The following ROCK1 variants were observed in gnomAD, a reference collection of about 807,000 sequenced individuals.
The protein encoded by ROCK1 is Rho associated coiled-coil containing protein kinase 1.
In ROCK1, 36 loss-of-function variants were observed where a neutral mutation model predicts 196.8. That is an observed-to-expected ratio of 0.18 (90% CI 0.14 to 0.24). ROCK1 has a LOEUF of 0.24. ROCK1 is among the 10% of genes least tolerant of loss of function. The pLI is 1.00. For missense variants in ROCK1, 920 were observed against 1,562.0 expected (o/e 0.59, Z 6.93); for synonymous variants, 443 against 515.9 (o/e 0.86, Z 1.91).
At chr18:21,070,737 C>T (rs2036377186) in intron 1 of ROCK1, 124 bp from the exon 2 acceptor site, 1 of 565,066 alleles carries the variant, frequency 1.8e-6, no homozygotes, top group Non-Finnish European at 3.0e-6. Context: ...GTACATTTAA[C>T]ACCCTCTACA....
intron 22 of ROCK1, among the ~76,000 whole-genome samples, chr18:20,973,797 CTTT>C (rs766676820): frequency 1.4e-5 from 2 of 139,030 alleles, no homozygotes; most frequent in African/African-American, 2.6e-5. Context: ...ATATTTGGCA[CTTT>C]TTTTTTTTTT....
intron 16 of ROCK1, among the ~76,000 whole-genome samples, chr18:21,002,017 G>GA (rs981448361): frequency 4.0e-5 from 6 of 151,612 alleles, no homozygotes; most frequent in African/African-American, 1.2e-4. Flanking sequence ...AACTAAGCCA[G>GA]AAAAAAAATC....
At chr18:21,026,089 A>T (rs2035953259) in intron 10 of ROCK1, among the ~76,000 whole-genome samples, 3 of 152,198 alleles carry the variant, frequency 2.0e-5, no homozygotes, top group African/African-American at 7.2e-5. Context: ...GGTTGTTTAT[A>T]TCAACAACTT....
intron 7 of ROCK1, 47 bp from the exon 8 acceptor site, chr18:21,042,282 A>T (rs1442018745): frequency 2.7e-6 from 4 of 1,494,498 alleles, no homozygotes; most frequent in Non-Finnish European, 3.6e-6. Flanking sequence ...ATACATTTTT[A>T]AAAAGTCAGT....
chr18:21,012,752 C>T (rs537684965), intron 13 of ROCK1, among the ~76,000 whole-genome samples: 4 of 152,216 alleles, frequency 2.6e-5, no homozygotes, highest in African/African-American at 7.2e-5. Flanking sequence ...TTTAGTAATT[C>T]GAGTGACACA....
chr18:20,987,198 A>G, intron 18 of ROCK1, 88 bp from the exon 19 acceptor site: 1 of 1,180,688 alleles, frequency 8.5e-7, no homozygotes, highest in South Asian at 1.4e-5. Context: ...CTGGTTTCAA[A>G]TGTCTCTATT....
chr18:21,057,330 A>G (rs933997970), intron 2 of ROCK1, among the ~76,000 whole-genome samples: 2 of 152,238 alleles, frequency 1.3e-5, no homozygotes, highest in African/African-American at 4.8e-5. Flanking sequence ...CAGTCTTGAC[A>G]ACCACTAACT....
At chr18:21,062,391 G>A (rs942148355) in intron 2 of ROCK1, among the ~76,000 whole-genome samples, 1 of 152,116 alleles carries the variant, frequency 6.6e-6, no homozygotes, top group African/African-American at 2.4e-5. Context: ...CAAAGTATTA[G>A]GTTGGTGCAA....
intron 2 of ROCK1, among the ~76,000 whole-genome samples, chr18:21,058,798 C>T (rs1383492405): frequency 6.6e-6 from 1 of 152,090 alleles, no homozygotes; most frequent in African/African-American, 2.4e-5. Flanking sequence ...AGGCCGATCT[C>T]GAACTCCTGG....
rs1398082584 is a variant in ROCK1 at position 20,965,396 on chromosome 18, CATACATAT to C, written c.3352+1513_3352+1520del. 1.4e-3 allele frequency among the ~76,000 whole-genome samples: 191 copies of C among 137,234 alleles called. 1 individual carries two copies. The highest frequency in any genetic ancestry group is 4.4e-3 in the African/African-American group (165 of 37,308). The allele number at this position is 137,234 out of a possible 152,430, so 90.0% of individuals were successfully genotyped here. A position where few individuals can be genotyped will look rare whatever the true frequency, so the allele number is the denominator to read the frequency against. ...AGTGAGACTGTTTCATACATACATA[CATACATAT>C]ATACATACATACATACATACATACA... On this transcript the variant is annotated intron_variant, in intron 27 of 32. Coordinates refer to ENST00000399799, the MANE Select transcript of ROCK1 (RefSeq NM_005406.3).
intron 1 of ROCK1, among the ~76,000 whole-genome samples, chr18:21,107,369 A>C (rs1045540859): frequency 6.6e-6 from 1 of 152,244 alleles, no homozygotes; most frequent in Non-Finnish European, 1.5e-5. Flanking sequence ...CTAAGCATGA[A>C]TCTAGTAAAG....
chr18:20,999,497 G>C (rs1225631555), intron 16 of ROCK1, among the ~76,000 whole-genome samples: 3 of 151,832 alleles, frequency 2.0e-5, no homozygotes, highest in African/African-American at 7.3e-5. Context: ...AATACCCACA[G>C]CTAACATCAT....
At chr18:21,044,918 G>A (rs571909232) in intron 5 of ROCK1, 208 of 162,568 alleles carry the variant, frequency 1.3e-3, no homozygotes, top group African/African-American at 4.7e-3. Context: ...CTGAAGTGCA[G>A]TGACTAGATC....
At chr18:20,997,782 G>A (rs570933168) in intron 16 of ROCK1, among the ~76,000 whole-genome samples, 218 of 151,320 alleles carry the variant, frequency 1.4e-3, no homozygotes, top group African/African-American at 5.1e-3. Context: ...ATTATATCAT[G>A]TATCTATCTT....
chr18:21,089,133 C>T (rs2036550112), intron 1 of ROCK1, among the ~76,000 whole-genome samples: 1 of 152,102 alleles, frequency 6.6e-6, no homozygotes, highest in Non-Finnish European at 1.5e-5. Context: ...GCAACCTCCA[C>T]TGGTTCAAGA....
intron 1 of ROCK1, among the ~76,000 whole-genome samples, chr18:21,105,098 T>A (rs1209485095): frequency 6.6e-6 from 1 of 152,192 alleles, no homozygotes; most frequent in Non-Finnish European, 1.5e-5. Context: ...AAATACCAAA[T>A]GCTATGATAG....
chr18:20,969,667 T>G (rs897608354), intron 23 of ROCK1, among the ~76,000 whole-genome samples: 1 of 152,178 alleles, frequency 6.6e-6, no homozygotes, highest in African/African-American at 2.4e-5. Flanking sequence ...AATCATTCTA[T>G]GTCTACTGTC....
Position 20,955,026 on chromosome 18 carries a change from C to A in ROCK1, c.3610G>T (p.Gly1204Cys). The A allele has an allele frequency of 6.2e-7, 1 of 1,611,922 alleles. No individual in the cohort carries two copies. The highest frequency in any genetic ancestry group is 8.5e-7 in the Non-Finnish European group (1 of 1,178,946). The change falls in exon 31 of 33, where the codon GGT (glycine) becomes TGT (cysteine). Residue 1204 changes from glycine to cysteine, a missense_variant. Coordinates refer to ENST00000399799, the MANE Select transcript of ROCK1 (RefSeq NM_005406.3). ...ATCTCTACATCTTTTCTACATTCAC[C>A]TTCATTTGCATATAGTATCTACATT... ...KIFQILYANE[G>C]ECRKDVEMEP...
rs2035297535 is a variant in ROCK1, at chr18:20,959,146, A to ATATTATAT, written c.3512+693_3512+694insATATAATA. Among the ~76,000 whole-genome samples the ATATTATAT allele has an allele frequency of 5.1e-5, 3 of 59,060 alleles. 1 individual carries two copies. Among genetic ancestry groups the ATATTATAT allele is most frequent in the African/African-American group, 3.1e-4 (3 of 9,694 alleles). 38.7% of individuals were successfully genotyped at this position (59,060 alleles called of 152,430 possible). A position where few individuals can be genotyped will look rare whatever the true frequency, so the allele number is the denominator to read the frequency against. ...ATATATATATTATATATATTATATA[A>ATATTATAT]AATATATATATTATATATTATATAA... On this transcript the variant is annotated intron_variant, in intron 29 of 32. Transcript: ENST00000399799.
Sources: allele counts gnomAD v4.1 joint callset (sites outside exome capture counted in the v4.1 genomes callset), GRCh38; gene constraint gnomAD v4.1.1; transcripts MANE v1.5; gene names NCBI Gene and HGNC (gene_info 2026-07-23, HGNC 2026-07-21).